CCDC7: variants seen among roughly 807,000 people sequenced by gnomAD.
The protein encoded by CCDC7 is coiled-coil domain containing 7.
CCDC7 carries 183 observed loss-of-function variants against 196.9 expected under a neutral mutation model. The ratio of observed to expected loss-of-function variants is 0.93; its 90% CI spans 0.82 to 1.05. The LOEUF (loss-of-function observed/expected upper bound fraction) is 1.05, where lower values mean the gene tolerates loss of function less well. CCDC7 is among the 50% of genes least tolerant of loss of function. The probability of loss-of-function intolerance (pLI) is 0.00; values close to 1 mark genes in which losing one functional copy is unlikely to be tolerated. For missense variants in CCDC7, 1,540 were observed against 1,482.2 expected, an observed-to-expected ratio of 1.04 and a Z score of -0.64; for synonymous variants, 525 against 484.6, an observed-to-expected ratio of 1.08 and a Z score of -1.10.
At chr10:32,466,513 A>G (rs2036836561) in intron 5 of CCDC7, among the ~76,000 whole-genome samples, 1 of 152,172 alleles carries the variant, frequency 6.6e-6, no homozygotes. Context: ...TATAAGTGAG[A>G]ACATGCAGTA....
intron 21 of CCDC7, among the ~76,000 whole-genome samples, chr10:32,669,129 A>T (rs2073497328): frequency 2.0e-5 from 3 of 152,004 alleles, no homozygotes; most frequent in African/African-American, 7.2e-5. Flanking sequence ...ATTTTACTGG[A>T]TGTTTTTTCT....
intron 27 of CCDC7, 55 bp downstream of exon 28, chr10:32,729,052 T>A: frequency 8.1e-7 from 1 of 1,234,030 alleles, no homozygotes; most frequent in South Asian, 1.4e-5. Flanking sequence ...ACTCATCAGA[T>A]CTTTTCCTTT....
At chr10:32,843,033 C>T (rs2093068581) in intron 33 of CCDC7, among the ~76,000 whole-genome samples, 1 of 151,598 alleles carries the variant, frequency 6.6e-6, no homozygotes, top group Non-Finnish European at 1.5e-5. Flanking sequence ...CAAATCACCA[C>T]TAAAGAACTT....
chr10:32,850,494 C>T (rs1271290629), intron 39 of CCDC7, among the ~76,000 whole-genome samples: 2 of 152,092 alleles, frequency 1.3e-5, no homozygotes, highest in Admixed American at 6.6e-5. Flanking sequence ...TAACTAAGAC[C>T]AGAGTTAGTA....
At chr10:32,828,125 T>C (rs774177522) in intron 32 of CCDC7, among the ~76,000 whole-genome samples, 2 of 152,118 alleles carry the variant, frequency 1.3e-5, no homozygotes, top group Non-Finnish European at 2.9e-5. Context: ...TTTCAACCAA[T>C]TGCCAAAATC....
In CCDC7 at chr10:32,559,965, T is replaced by A. The variant is rs1257833290; in HGVS notation, c.1135-5593T>A. ...TGTATAACTAGAATAACCAATACAGTGAAGTGCTTAAAGGAGCTGATGGAG... is the reference window on the plus strand; with the variant it reads ...TGTATAACTAGAATAACCAATACAGAGAAGTGCTTAAAGGAGCTGATGGAG... On this transcript the variant is annotated intron_variant, in intron 13 of 41. Transcript: ENST00000639629. Among the ~76,000 whole-genome samples, 24 of 151,996 alleles carry A rather than the reference T, an allele frequency of 1.6e-4. No homozygotes were observed. The South Asian group carries it at 4.4e-3, about 28-fold the overall frequency.
chr10:32,618,607 C>G (rs1410634195), intron 18 of CCDC7, among the ~76,000 whole-genome samples: 1 of 151,270 alleles, frequency 6.6e-6, no homozygotes, highest in Non-Finnish European at 1.5e-5. Flanking sequence ...CTTTTTTTTT[C>G]TCTCAGCACT....
intron 24 of CCDC7, among the ~76,000 whole-genome samples, chr10:32,704,949 C>T (rs546589818): frequency 6.6e-6 from 1 of 152,260 alleles, no homozygotes; most frequent in South Asian, 2.1e-4. Context: ...TTCCCTGACC[C>T]CTTGCACTTC....
chr10:32,471,323 C>A, intron 6 of CCDC7, 93 bp downstream of exon 7: 1 of 1,403,250 alleles, frequency 7.1e-7, no homozygotes, highest in Non-Finnish European at 9.5e-7. Context: ...GATATGATGG[C>A]TATACACAGA....
At chr10:32,490,905 G>A (rs548119933) in intron 8 of CCDC7, among the ~76,000 whole-genome samples, 2 of 151,954 alleles carry the variant, frequency 1.3e-5, no homozygotes, top group African/African-American at 2.4e-5. Context: ...TAATTCTTAC[G>A]AAGCTGGCTT....
intron 29 of CCDC7, among the ~76,000 whole-genome samples, chr10:32,790,392 G>A (rs1026934185): frequency 2.0e-5 from 3 of 152,196 alleles, no homozygotes; most frequent in African/African-American, 7.2e-5. Context: ...ACACCACCAA[G>A]GCCGACTGCT....
At chr10:32,518,629 C>T (rs536389716) in intron 11 of CCDC7, 124 bp downstream of exon 12, 4 of 720,502 alleles carry the variant, frequency 5.6e-6, no homozygotes, top group Non-Finnish European at 7.9e-6. Context: ...TTCGTAGCAG[C>T]TATGCTTTAA....
chr10:32,502,860 A>G (rs1040629882), intron 9 of CCDC7, among the ~76,000 whole-genome samples: 4 of 152,170 alleles, frequency 2.6e-5, no homozygotes, highest in African/African-American at 9.7e-5. Flanking sequence ...AGTGCAAAAG[A>G]TCTTTCACTT....
intron 32 of CCDC7, among the ~76,000 whole-genome samples, chr10:32,829,361 A>G (rs903636110): frequency 2.0e-5 from 3 of 152,132 alleles, no homozygotes; most frequent in Non-Finnish European, 4.4e-5. Flanking sequence ...AGCTACAACA[A>G]TGTGACCAGC....
At chr10:32,613,946 T>G (rs2062473021) in intron 18 of CCDC7, among the ~76,000 whole-genome samples, 2 of 152,182 alleles carry the variant, frequency 1.3e-5, no homozygotes, top group South Asian at 4.1e-4. Context: ...CAGAGCTGAG[T>G]TCAAGTCCTG....
In CCDC7 at chr10:32,508,177, A is replaced by G. The variant is rs139058966; in HGVS notation, c.873-9768A>G. On this transcript the variant is annotated intron_variant, in intron 9 of 41. Coordinates refer to ENST00000639629, the Ensembl canonical transcript of CCDC7. ...CAAATATAGAATGGTGCCACTCCCA[A>G]AACTCTTAGAACTAATAAATGTATT... 4.3e-3 allele frequency among the ~76,000 whole-genome samples: 653 copies of G among 152,334 alleles called. 11 individuals carry two copies. The highest frequency in any genetic ancestry group is 0.015 in the African/African-American group (631 of 41,572).
intron 29 of CCDC7, among the ~76,000 whole-genome samples, chr10:32,789,021 T>A (rs1243709964): frequency 1.3e-5 from 2 of 150,798 alleles, no homozygotes; most frequent in Admixed American, 1.3e-4. Context: ...GCCTGAGAAC[T>A]CCAGCAGCAA....
Position 32,477,348 on chromosome 10 carries a change from G to A in CCDC7, c.796+3325G>A, listed in dbSNP as rs533089902. On this transcript the variant is annotated intron_variant, in intron 8 of 41. Transcript: ENST00000639629. ...CTCCCTAGCAGCTGGGACCACAGGC[G>A]TGCGCCACCACGCCCGGCTAATTTT... 5.9e-5 allele frequency among the ~76,000 whole-genome samples: 9 copies of A among 152,036 alleles called. No individual in the cohort carries two copies. In the South Asian group the frequency reaches 1.7e-3, roughly 28 times the overall value.
At chr10:32,562,126 G>C (rs1395569204) in intron 13 of CCDC7, among the ~76,000 whole-genome samples, 6 of 152,130 alleles carry the variant, frequency 3.9e-5, no homozygotes, top group South Asian at 2.1e-4. Flanking sequence ...CTGAATAGAC[G>C]AATAACAGGC....
Sources: gnomAD v4.1 joint callset for allele counts (sites outside exome capture counted in the v4.1 genomes callset) on GRCh38, gnomAD v4.1.1 for gene constraint, MANE v1.5 for transcripts, NCBI Gene and HGNC (gene_info 2026-07-23, HGNC 2026-07-21) for gene names.